TPRG1: variants seen among roughly 807,000 people sequenced by gnomAD.
TPRG1 encodes the protein tumor protein p63-regulated gene 1 protein.
Under a neutral mutation model 29.3 loss-of-function variants are expected in TPRG1, and 29 were observed. The ratio of observed to expected loss-of-function variants is 0.99; its 90% CI spans 0.74 to 1.35. TPRG1 has a LOEUF of 1.35. Among genes scored for constraint, TPRG1 ranks in the 40% most tolerant of loss-of-function variants. TPRG1 has a pLI of 0.00. For synonymous variants in TPRG1, 130 were observed against 116.8 expected (o/e 1.11, Z -0.73); for missense variants, 327 against 335.0 (o/e 0.98, Z 0.19).
intron 4 of TPRG1, among the ~76,000 whole-genome samples, chr3:189,258,636 C>G (rs1712369479): frequency 6.6e-6 from 1 of 152,194 alleles, no homozygotes; most frequent in Non-Finnish European, 1.5e-5. Context: ...CTGTCCCAGG[C>G]AGATGAAAGA....
upstream of TPRG1, among the ~76,000 whole-genome samples, chr3:189,099,141 G>T (rs562934640): frequency 8.5e-5 from 13 of 152,286 alleles, no homozygotes; most frequent in Admixed American, 2.6e-4. Context: ...CAGGGCGGCC[G>T]ACACCACACT....
At chr3:189,299,633 T>C (rs1171753441) in intron 4 of TPRG1, among the ~76,000 whole-genome samples, 1 of 151,656 alleles carries the variant, frequency 6.6e-6, no homozygotes, top group Non-Finnish European at 1.5e-5. Flanking sequence ...TGTATTTTTT[T>C]TTTTTTTTTT....
chr3:189,265,660 A>T (rs151138871), intron 4 of TPRG1, among the ~76,000 whole-genome samples: 2 of 152,194 alleles, frequency 1.3e-5, no homozygotes, highest in Non-Finnish European at 2.9e-5. Flanking sequence ...AATAAATGGG[A>T]CTGCTTAAAA....
In TPRG1 at chr3:189,214,963, A is replaced by ATATATATATATATATATTTTATATATAT. The variant is rs1354068761; in HGVS notation, c.211-329_211-328insTATATATATATATATATTTTATATATAT. ...AGGAAGAGAAAAAAGGTTTAATTTA[A>ATATATATATATATATATTTTATATATAT]AAATGTACAGATTCCTAAAGGCTTT... On this transcript the variant is annotated intron_variant, in intron 2 of 5. Coordinates refer to ENST00000345063, the MANE Select transcript of TPRG1 (RefSeq NM_198485.4). Among the ~76,000 whole-genome samples, 24 of 135,540 alleles carry ATATATATATATATATATTTTATATATAT rather than the reference A, an allele frequency of 1.8e-4. 2 individuals carry two copies. The highest frequency in any genetic ancestry group is 2.6e-4 in the South Asian group (1 of 3,794). The allele number at this position is 135,540 out of a possible 152,430, so 88.9% of individuals were successfully genotyped here.
At position 189,288,049 on chromosome 3, in the gene TPRG1, TGAGA is replaced by T. The variant is rs562699622; in HGVS notation, c.480-22332_480-22329del. Among the ~76,000 whole-genome samples the T allele has an allele frequency of 4.9e-4, 74 of 151,066 alleles. No homozygotes were observed. The South Asian group carries it at 0.015, about 31-fold the overall frequency. ...AACACAAAGTTTATGTCTGAGACAG[TGAGA>T]GAGAAAAGAGAGAGACAGAGGAAAA... On this transcript the variant is annotated intron_variant, in intron 4 of 5. Coordinates refer to ENST00000345063, the MANE Select transcript of TPRG1 (RefSeq NM_198485.4).
At chr3:189,179,264 C>T (rs940174844) in intron 1 of TPRG1, among the ~76,000 whole-genome samples, 15 of 152,178 alleles carry the variant, frequency 9.9e-5, no homozygotes, top group African/African-American at 3.6e-4. Context: ...TGGGACATTG[C>T]TACTCTTTAT....
intron 4 of TPRG1, among the ~76,000 whole-genome samples, chr3:189,076,923 C>CACAT (rs1717212769): frequency 7.1e-6 from 1 of 140,622 alleles, no homozygotes; most frequent in African/African-American, 2.9e-5. Context: ...TATATGTGTA[C>CACAT]ATATATATAT....
At chr3:189,109,592 T>A (rs1049941458) in intron 1 of TPRG1, among the ~76,000 whole-genome samples, 2 of 152,344 alleles carry the variant, frequency 1.3e-5, no homozygotes, top group South Asian at 4.1e-4. Context: ...AGTATTACAA[T>A]GAATTATAGA....
At chr3:189,118,550 G>A (rs1445219698) in intron 1 of TPRG1, among the ~76,000 whole-genome samples, 1 of 152,152 alleles carries the variant, frequency 6.6e-6, no homozygotes, top group Non-Finnish European at 1.5e-5. Flanking sequence ...CAGGCCTGGA[G>A]GCCTAAGAAG....
intron 2 of TPRG1, among the ~76,000 whole-genome samples, chr3:189,215,080 G>T (rs1578860407): frequency 6.6e-6 from 1 of 151,942 alleles, no homozygotes; most frequent in Non-Finnish European, 1.5e-5. Flanking sequence ...ATAGAAGATG[G>T]GGCCTAGATC....
intron 1 of TPRG1, among the ~76,000 whole-genome samples, chr3:189,118,806 G>A (rs1032485211): frequency 6.6e-6 from 1 of 152,230 alleles, no homozygotes; most frequent in Non-Finnish European, 1.5e-5. Flanking sequence ...GAGGATGTAT[G>A]GAAATGCCTG....
chr3:189,228,255 G>A (rs1457222084), intron 3 of TPRG1, among the ~76,000 whole-genome samples: 2 of 151,890 alleles, frequency 1.3e-5, no homozygotes. Context: ...AAAGCAGAAG[G>A]AAATACTCCC....
chr3:189,248,502 GTA>G (rs554640300), intron 4 of TPRG1, among the ~76,000 whole-genome samples: 2 of 150,166 alleles, frequency 1.3e-5, no homozygotes, highest in Non-Finnish European at 3.0e-5. Context: ...TTCTATATTT[GTA>G]TATATATATC....
chr3:189,290,985 C>A (rs527297252), intron 4 of TPRG1, among the ~76,000 whole-genome samples: 15 of 152,274 alleles, frequency 9.9e-5, no homozygotes, highest in African/African-American at 3.6e-4. Flanking sequence ...TCACTGCAAG[C>A]TCCGCCTCCG....
At chr3:189,220,137 C>CT (rs1262003473) in intron 3 of TPRG1, among the ~76,000 whole-genome samples, 1 of 151,944 alleles carries the variant, frequency 6.6e-6, no homozygotes, top group African/African-American at 2.4e-5. Flanking sequence ...TTAATATGTC[C>CT]TTTTTTGTGT....
intron 4 of TPRG1, among the ~76,000 whole-genome samples, chr3:189,028,075 C>T (rs1217568250): frequency 6.6e-6 from 1 of 152,132 alleles, no homozygotes; most frequent in East Asian, 1.9e-4. Context: ...TGAGAACTTA[C>T]TGTGTGCCAT....
chr3:189,315,281 TGTG>T (rs1723315800), intron 5 of TPRG1, among the ~76,000 whole-genome samples: 1 of 50,024 alleles, frequency 2.0e-5, no homozygotes, highest in Non-Finnish European at 4.0e-5. Flanking sequence ...GAAAGAATTG[TGTG>T]TGTGTGTGTG....
chr3:189,156,354 G>GT (rs1553913162), intron 5 of TPRG1, among the ~76,000 whole-genome samples: 8 of 127,620 alleles, frequency 6.3e-5, no homozygotes, highest in Non-Finnish European at 1.1e-4. Context: ...AGAACTATAA[G>GT]TAAAAAAAAA....
At chr3:189,032,691 C>T (rs1220395534) in intron 4 of TPRG1, among the ~76,000 whole-genome samples, 2 of 151,142 alleles carry the variant, frequency 1.3e-5, no homozygotes, top group African/African-American at 2.4e-5. Flanking sequence ...TGGTGTGCTG[C>T]ACCCGTTAAC....
Sources: gnomAD v4.1 joint callset for allele counts (sites outside exome capture counted in the v4.1 genomes callset) on GRCh38, gnomAD v4.1.1 for gene constraint, MANE v1.5 for transcripts, NCBI Gene and HGNC (gene_info 2026-07-23, HGNC 2026-07-21) for gene names.